The following TMEM178B variants were observed in gnomAD, a reference collection of about 807,000 sequenced individuals.
TMEM178B encodes transmembrane protein 178B.
Under a neutral mutation model 31.0 loss-of-function variants are expected in TMEM178B, and 5 were observed. The ratio of observed to expected loss-of-function variants is 0.16; its 90% CI spans 0.08 to 0.34. The LOEUF (loss-of-function observed/expected upper bound fraction) is 0.34, where lower values mean the gene tolerates loss of function less well. Among genes scored for constraint, TMEM178B ranks in the 10% least tolerant of loss-of-function variants. TMEM178B has a pLI of 1.00. For synonymous variants in TMEM178B, 164 were observed against 164.0 expected (o/e 1.00, Z 0.00); for missense variants, 275 against 400.3 (o/e 0.69, Z 2.67).
At chr7:141,480,781 T>A (rs948600921), downstream of TMEM178B, among the ~76,000 whole-genome samples, 5 of 152,244 alleles carry the variant, frequency 3.3e-5, no homozygotes, top group African/African-American at 1.2e-4. Flanking sequence ...CTAGTCTTCA[T>A]CAGCTTTGTC....
intron 1 of TMEM178B, among the ~76,000 whole-genome samples, chr7:141,120,396 G>A (rs1795390515): frequency 6.6e-6 from 1 of 152,152 alleles, no homozygotes; most frequent in East Asian, 1.9e-4. Context: ...GTAACATAAT[G>A]CAATACCATA....
At chr7:141,127,870 A>G (rs912551260) in intron 1 of TMEM178B, among the ~76,000 whole-genome samples, 4 of 152,128 alleles carry the variant, frequency 2.6e-5, no homozygotes, top group South Asian at 2.1e-4. Flanking sequence ...CTGGTAGAAT[A>G]AGAATTTCAA....
chr7:141,400,304 GT>G (rs1307432788), intron 2 of TMEM178B, among the ~76,000 whole-genome samples: 3 of 152,184 alleles, frequency 2.0e-5, no homozygotes, highest in Non-Finnish European at 4.4e-5. Context: ...GTACAGAGAA[GT>G]TTCTATATAC....
intron 2 of TMEM178B, among the ~76,000 whole-genome samples, chr7:141,290,109 G>A (rs1798520802): frequency 6.6e-6 from 1 of 152,224 alleles, no homozygotes; most frequent in African/African-American, 2.4e-5. Flanking sequence ...TCTGCAGACT[G>A]TCTTTCACTT....
chr7:141,510,182 TG>T, the TMEM178B span, among the ~76,000 whole-genome samples: 3 of 152,180 alleles, frequency 2.0e-5, no homozygotes, highest in Non-Finnish European at 4.4e-5. Flanking sequence ...GTGACAGGGT[TG>T]GGCCCTGCAG....
intron 1 of TMEM178B, among the ~76,000 whole-genome samples, chr7:141,206,395 C>A (rs933339091): frequency 2.0e-5 from 3 of 152,130 alleles, no homozygotes; most frequent in Non-Finnish European, 2.9e-5. Context: ...GAGGAATGAG[C>A]TGGATGTTTT....
intron 2 of TMEM178B, among the ~76,000 whole-genome samples, chr7:141,361,078 G>A (rs143576745): frequency 6.6e-6 from 1 of 152,280 alleles, no homozygotes; most frequent in Admixed American, 6.5e-5. Context: ...GGAAAGGTAG[G>A]GGCATCTCAT....
chr7:141,227,575 C>T (rs930342861), intron 2 of TMEM178B, among the ~76,000 whole-genome samples: 1 of 152,028 alleles, frequency 6.6e-6, no homozygotes, highest in African/African-American at 2.4e-5. Flanking sequence ...GTCCTATGAG[C>T]CTTATGATGA....
chr7:141,109,444 A>G (rs1795199959), intron 1 of TMEM178B, among the ~76,000 whole-genome samples: 1 of 152,160 alleles, frequency 6.6e-6, no homozygotes. Flanking sequence ...AGTTGCAGTT[A>G]TTGGCAATGA....
chr7:141,355,575 A>G (rs886195700), intron 2 of TMEM178B, among the ~76,000 whole-genome samples: 11 of 152,230 alleles, frequency 7.2e-5, no homozygotes, highest in African/African-American at 2.4e-4. Flanking sequence ...TTGGCATTCA[A>G]TGCAGATGGG....
intron 2 of TMEM178B, among the ~76,000 whole-genome samples, chr7:141,410,222 C>CTG (rs1800957575): frequency 6.6e-6 from 1 of 152,182 alleles, no homozygotes; most frequent in Non-Finnish European, 1.5e-5. Flanking sequence ...GAGTCTGGGT[C>CTG]TGCGTAATGA....
At chr7:141,359,100 A>G (rs1799872995) in intron 2 of TMEM178B, among the ~76,000 whole-genome samples, 1 of 152,194 alleles carries the variant, frequency 6.6e-6, no homozygotes, top group Non-Finnish European at 1.5e-5. Context: ...AGCCCCAAGA[A>G]ATTCCATTTG....
intron 2 of TMEM178B, among the ~76,000 whole-genome samples, chr7:141,431,825 C>CT (rs1262942210): frequency 1.3e-5 from 2 of 152,102 alleles, no homozygotes; most frequent in African/African-American, 4.8e-5. Flanking sequence ...CAAAATACTG[C>CT]TGTGGGCACA....
At chr7:141,114,719 T>C (rs1419024465) in intron 1 of TMEM178B, among the ~76,000 whole-genome samples, 2 of 152,360 alleles carry the variant, frequency 1.3e-5, no homozygotes, top group South Asian at 2.1e-4. Flanking sequence ...TTTTCACTCC[T>C]GTTCTTTGGA....
chr7:141,091,485 C>T (rs1331126469), intron 1 of TMEM178B, among the ~76,000 whole-genome samples: 1 of 152,166 alleles, frequency 6.6e-6, no homozygotes, highest in Non-Finnish European at 1.5e-5. Context: ...CTGCCAGCAG[C>T]ATGCCTGTAT....
At chr7:141,381,114 A>G (rs1303525441) in intron 2 of TMEM178B, among the ~76,000 whole-genome samples, 1 of 152,202 alleles carries the variant, frequency 6.6e-6, no homozygotes, top group Non-Finnish European at 1.5e-5. Context: ...CAAATGGAAG[A>G]GTTCCCAGTC....
chr7:141,286,555 G>A (rs77947011), intron 2 of TMEM178B, among the ~76,000 whole-genome samples: 1 of 152,194 alleles, frequency 6.6e-6, no homozygotes, highest in Admixed American at 6.5e-5. Flanking sequence ...AGAGATGCTG[G>A]CTTCTCAAGA....
chr7:141,082,957 T>C (rs958903917), intron 1 of TMEM178B, among the ~76,000 whole-genome samples: 2 of 152,254 alleles, frequency 1.3e-5, no homozygotes, highest in African/African-American at 2.4e-5. Flanking sequence ...GTAGGGTCAA[T>C]TAGAGGATCA....
At chr7:141,126,537 CCT>C (rs1367574872) in intron 1 of TMEM178B, among the ~76,000 whole-genome samples, 2 of 152,280 alleles carry the variant, frequency 1.3e-5, no homozygotes, top group Admixed American at 1.3e-4. Context: ...CAAACCTGAC[CCT>C]CTCTTCCTTC....
Sources: gnomAD v4.1 joint callset for allele counts (sites outside exome capture counted in the v4.1 genomes callset) on GRCh38, gnomAD v4.1.1 for gene constraint, MANE v1.5 for transcripts, NCBI Gene and HGNC (gene_info 2026-07-23, HGNC 2026-07-21) for gene names.